Variants in REEP6 observed in about 807,000 individuals in gnomAD.
REEP6 encodes receptor expression-enhancing protein 6.
In REEP6, 19 loss-of-function variants were observed where a neutral mutation model predicts 22.4. The ratio of observed to expected loss-of-function variants is 0.85; its 90% CI spans 0.59 to 1.25. The LOEUF is 1.25. Ranked by LOEUF, REEP6 falls within the 50% of genes most tolerant of loss-of-function variation. REEP6 has a pLI of 0.00. For synonymous variants in REEP6, 121 were observed against 113.6 expected, an observed-to-expected ratio of 1.06 and a Z score of -0.41; for missense variants, 273 against 251.9, an observed-to-expected ratio of 1.08 and a Z score of -0.57.
Position 1,496,369 on chromosome 19 carries a change from C to G in REEP6, c.433C>G (p.Leu145Val), listed in dbSNP as rs1349519193. 6.2e-7 allele frequency: 1 copy of G among 1,613,272 alleles called. No homozygotes were observed. ...TCAGCGCGTCGTGCGTCCGCTGTTC[C>G]TAAGGCACCACGGGGCCGTAGACAG... is the stretch of plus-strand genomic sequence containing the variant. ...LYQRVVRPLF[L>V]RHHGAVDRIM... The change falls in exon 4 of 5, where the codon CTA becomes GTA. Residue 145 changes from leucine (L) to valine (V), a missense_variant. Physicochemically the swap from Leu to Val is conservative, Grantham distance 32. Transcript: ENST00000233596.
In REEP6 at chr19:1,491,838, T is replaced by TTCC. The variant is rs1172090551; in HGVS notation, c.115+463_115+465dup. On this transcript the variant is annotated intron_variant, in intron 1 of 4. Transcript: ENST00000233596. The surrounding 1 kb of genome is among the most constrained non-coding windows in gnomAD (Gnocchi z 5.4). ...GGGGCCTGCCCAGGACCCTTCTCCT[T>TTCC]TCCTCCTCCTCTCCTGCCCTAGCTC... 6.6e-6 allele frequency among the ~76,000 whole-genome samples: 1 copy of TTCC among 152,132 alleles called. No individual in the cohort carries two copies. Among genetic ancestry groups the TTCC allele is most frequent in the African/African-American group, 2.4e-5 (1 of 41,438 alleles).
chr19:1,494,468 C>T (rs1372673942), intron 1 of REEP6, among the ~76,000 whole-genome samples: 4 of 152,144 alleles, frequency 2.6e-5, no homozygotes, highest in African/African-American at 4.8e-5. Flanking sequence ...CCCTCTCCAC[C>T]GAAAACAACC....
At position 1,495,738 on chromosome 19, in the gene REEP6, T is replaced by C. The variant is rs372653732; in HGVS notation, c.348+131T>C. 7.7e-6 allele frequency: 10 copies of C among 1,302,704 alleles called. No homozygotes were observed. The African/African-American group carries it at 1.0e-4, about 13-fold the overall frequency. 80.7% of individuals were successfully genotyped at this position (1,302,704 alleles called of 1,614,324 possible). ...TGAGGGGAAGACTCAGTCCCTTCCC[T>C]GGGGAAACGAGCCCTGTCCGGGGGC... is the stretch of plus-strand genomic sequence containing the variant. On this transcript the variant is annotated intron_variant, in intron 3 of 4. Coordinates refer to ENST00000233596, the MANE Select transcript of REEP6 (RefSeq NM_138393.4).
At position 1,496,694 on chromosome 19, in the gene REEP6, T is replaced by C. The variant is rs72985573; in HGVS notation, c.517+241T>C. 2,526 of 695,792 alleles carry C rather than the reference T, an allele frequency of 3.6e-3. 8 individuals are homozygous for C. The highest frequency in any genetic ancestry group is 5.6e-3 in the Non-Finnish European group (2,091 of 376,516). 43.1% of individuals were successfully genotyped at this position (695,792 alleles called of 1,614,324 possible). A position where few individuals can be genotyped will look rare whatever the true frequency, so the allele number is the denominator to read the frequency against. ...ACCGTACGTAACCGCTGTGGGGAGA[T>C]AGGAGCTGTGTGTGTGTGTGTGTGC... On this transcript the variant is annotated intron_variant, in intron 4 of 4. Transcript: ENST00000233596.
At chr19:1,496,613 C>T (rs2034734983) in intron 4 of REEP6, 160 bp downstream of exon 4, 1 of 975,254 alleles carries the variant, frequency 1.0e-6, no homozygotes, top group Non-Finnish European at 1.6e-6. Context: ...TGGCCCGTAG[C>T]CGGGCAGGCA....
Position 1,491,216 on chromosome 19 carries a change from G to C in REEP6, c.-54G>C. The C allele has an allele frequency of 7.9e-7, 1 of 1,269,270 alleles. No homozygotes were observed. Among genetic ancestry groups the C allele is most frequent in the Non-Finnish European group, 1.1e-6 (1 of 947,724 alleles). The allele number at this position is 1,269,270 out of a possible 1,614,324, so 78.6% of individuals were successfully genotyped here. ...AAAGCGGTGCGCGTGCAGCGGGGTG[G>C]GTGCCCTGGTCCGCGGGCGAGCTCG... On this transcript the variant is annotated 5_prime_UTR_variant, in exon 1 of 5. Transcript: ENST00000233596. This position sits in a 1 kb window ranked among gnomAD's most constrained non-coding sequence, Gnocchi z 5.4.
Position 1,497,193 on chromosome 19 carries a change from G to A in REEP6, c.537G>A (p.Pro179=), listed in dbSNP as rs746698415. ...ITRNVKPSQT[P]QPKDK Reference sequence around the variant, plus strand: ...CTGCAGTCAAGCCAAGCCAGACCCCGCAGCCGAAGGACAAGTGAAGCAGCC... The same window carrying A: ...CTGCAGTCAAGCCAAGCCAGACCCCACAGCCGAAGGACAAGTGAAGCAGCC... Residue 179 remains proline (P), a synonymous_variant, in exon 5 of 5, where the codon CCG becomes CCA. Transcript: ENST00000233596. This position sits in a 1 kb window ranked among gnomAD's most constrained non-coding sequence, Gnocchi z 6.5. The A allele has an allele frequency of 2.3e-5, 25 of 1,064,824 alleles. No homozygotes were observed. Among genetic ancestry groups the A allele is most frequent in the African/African-American group, 1.2e-4 (6 of 48,674 alleles). The allele number at this position is 1,064,824 out of a possible 1,614,324, so 66.0% of individuals were successfully genotyped here. A position where few individuals can be genotyped will look rare whatever the true frequency, so the allele number is the denominator to read the frequency against.
Position 1,497,233 on chromosome 19 carries a change from A to T in REEP6, c.*22A>T. The T allele has an allele frequency of 6.5e-7, 1 of 1,549,962 alleles. No homozygotes were observed. Among genetic ancestry groups the T allele is most frequent in the Non-Finnish European group, 8.7e-7 (1 of 1,146,082 alleles). On this transcript the variant is annotated 3_prime_UTR_variant, in exon 5 of 5. Coordinates refer to ENST00000233596, the MANE Select transcript of REEP6 (RefSeq NM_138393.4). This position sits in a 1 kb window ranked among gnomAD's most constrained non-coding sequence, Gnocchi z 6.5. The stretch of plus-strand genomic sequence containing the variant: ...GTGAAGCAGCCCCCTGAGCCTCACA[A>T]GGACCTCCTGGCTGGTGAGGAGGGG...
chr19:1,496,726 G>GCA (rs2085011381), intron 4 of REEP6: 2 of 661,212 alleles, frequency 3.0e-6, no homozygotes, highest in Non-Finnish European at 2.8e-6. Flanking sequence ...GTGCGCGCGC[G>GCA]CGCGCGTGTG....
At chr19:1,494,766 G>A (rs2145476858) in intron 1 of REEP6, among the ~76,000 whole-genome samples, 1 of 152,124 alleles carries the variant, frequency 6.6e-6, no homozygotes, top group African/African-American at 2.4e-5. Context: ...CTCACTGCAA[G>A]CTCCGCCTCC....
rs1178905173 is a variant in REEP6 at position 1,495,374 on chromosome 19, C to T, written c.196C>T (p.Pro66Ser). The change falls in exon 2 of 5, where the codon CCC becomes TCC. Residue 66 changes from proline to serine, a missense_variant. Physicochemically the swap from Pro to Ser is moderately conservative, Grantham distance 74 (BLOSUM62 -1). Transcript: ENST00000233596. Reference protein sequence around the residue: ...LLCNLIGFVYPAYASIKAIES... With the variant: ...LLCNLIGFVYSAYASIKAIES... ...GTGCAATCTCATCGGATTTGTGTAC[C>T]CCGCATATGCCTCGTGAGTGCACGG... is the stretch of plus-strand genomic sequence containing the variant. 18 of 1,613,804 alleles carry T rather than the reference C, an allele frequency of 1.1e-5. No homozygotes were observed. The highest frequency in any genetic ancestry group is 1.4e-5 in the Non-Finnish European group (17 of 1,180,022).
chr19:1,496,540 GGCC>G (rs1476290937), intron 4 of REEP6, 87 bp downstream of exon 4: 52 of 1,466,482 alleles, frequency 3.5e-5, no homozygotes, highest in Non-Finnish European at 4.9e-5. Context: ...TTCTGACTTT[GGCC>G]GCCCCCTCTC....
At position 1,496,463 on chromosome 19, in the gene REEP6, C is replaced by G. The variant is rs762543405; in HGVS notation, c.517+10C>G. ...GGAATAACCAGGAACGGTGGGTGCT[C>G]GCAGGCGCCTGGCTGCCTCAGGCCA... On this transcript the variant is annotated intron_variant, in intron 4 of 4. Transcript: ENST00000233596. 2.7e-5 allele frequency: 44 copies of G among 1,607,574 alleles called. No individual in the cohort carries two copies. Among genetic ancestry groups the G allele is most frequent in the Non-Finnish European group, 3.6e-5 (42 of 1,175,898 alleles).
At position 1,496,083 on chromosome 19, in the gene REEP6, A is replaced by G. The variant is rs2145478469; in HGVS notation, c.349-202A>G. 4 of 604,016 alleles carry G rather than the reference A, an allele frequency of 6.6e-6. No individual in the cohort carries two copies. The East Asian group carries it at 1.2e-4, about 17-fold the overall frequency. 37.4% of individuals were successfully genotyped at this position (604,016 alleles called of 1,614,324 possible). A position where few individuals can be genotyped will look rare whatever the true frequency, so the allele number is the denominator to read the frequency against. On this transcript the variant is annotated intron_variant, in intron 3 of 4. Transcript: ENST00000233596. The stretch of plus-strand genomic sequence containing the variant: ...TAGGACGTCTGATGGTGGAGGGCTC[A>G]CTCTAGAGGGTATCTGATGGCGAAA...
Position 1,496,821 on chromosome 19 carries a change from A to G in REEP6, c.518-353A>G, listed in dbSNP as rs566607352. 3.0e-4 allele frequency: 174 copies of G among 582,598 alleles called. 2 individuals carry two copies. Among genetic ancestry groups the G allele is most frequent in the African/African-American group, 2.8e-3 (151 of 53,832 alleles). 36.1% of individuals were successfully genotyped at this position (582,598 alleles called of 1,614,324 possible). ...CAAGAGGGTGCGTGTGCATGGGCTC[A>G]AGTGTATGTTTGGTGTGTGAGTGAG... On this transcript the variant is annotated intron_variant, in intron 4 of 4. Coordinates refer to ENST00000233596, the MANE Select transcript of REEP6 (RefSeq NM_138393.4).
chr19:1,497,215 A>G lies in REEP6; in HGVS notation c.*4A>G. 1 of 1,502,934 alleles carries G rather than the reference A, an allele frequency of 6.7e-7. No homozygotes were observed. Among genetic ancestry groups the G allele is most frequent in the South Asian group, 1.3e-5 (1 of 76,572 alleles). The allele number at this position is 1,502,934 out of a possible 1,614,324, so 93.1% of individuals were successfully genotyped here. On this transcript the variant is annotated 3_prime_UTR_variant, in exon 5 of 5. Coordinates refer to ENST00000233596, the MANE Select transcript of REEP6 (RefSeq NM_138393.4). This position sits in a 1 kb window ranked among gnomAD's most constrained non-coding sequence, Gnocchi z 6.5. ...CCCGCAGCCGAAGGACAAGTGAAGC[A>G]GCCCCCTGAGCCTCACAAGGACCTC...
intron 4 of REEP6, among the ~76,000 whole-genome samples, chr19:1,496,851 GGAGT>G (rs2085012807): frequency 1.3e-5 from 2 of 152,124 alleles, no homozygotes; most frequent in South Asian, 2.1e-4. Context: ...AGTGAGCAAG[GGAGT>G]GAGCATGTTT....
At chr19:1,494,461 T>C (rs2084989634) in intron 1 of REEP6, among the ~76,000 whole-genome samples, 1 of 151,950 alleles carries the variant, frequency 6.6e-6, no homozygotes, top group African/African-American at 2.4e-5. Flanking sequence ...CACTTCCCCC[T>C]CTCCACCGAA....
chr19:1,497,845 A>G lies in REEP6; in HGVS notation c.*634A>G, dbSNP rs1408670486. ...GAGATCACCTGCAGCTGGCCACACC[A>G]CAGGCCCCCGTGCCTGCAGCACTAC... On this transcript the variant is annotated 3_prime_UTR_variant, in exon 5 of 5. Coordinates refer to ENST00000233596, the MANE Select transcript of REEP6 (RefSeq NM_138393.4). This position sits in a 1 kb window ranked among gnomAD's most constrained non-coding sequence, Gnocchi z 6.5. The G allele has an allele frequency of 8.5e-6, 4 of 470,042 alleles. No homozygotes were observed. The Admixed American group carries it at 9.4e-5, about 11-fold the overall frequency. The allele number at this position is 470,042 out of a possible 1,614,324, so 29.1% of individuals were successfully genotyped here. A position where few individuals can be genotyped will look rare whatever the true frequency, so the allele number is the denominator to read the frequency against.
Sources: gnomAD v4.1 joint callset for allele counts (sites outside exome capture counted in the v4.1 genomes callset) on GRCh38, gnomAD v4.1.1 for gene constraint, Gnocchi (gnomAD v3.1) non-coding constraint, MANE v1.5 for transcripts, NCBI Gene and HGNC (gene_info 2026-07-23, HGNC 2026-07-21) for gene names.